OR1L8: variants seen among roughly 807,000 people sequenced by gnomAD.
OR1L8 encodes the protein olfactory receptor 1L8.
For missense variants in OR1L8, 330 were observed against 377.4 expected (o/e 0.87, Z 1.04); for synonymous variants, 148 against 147.0 (o/e 1.01, Z -0.05).
downstream of OR1L8, among the ~76,000 whole-genome samples, chr9:122,565,721 C>T (rs1437114395): frequency 6.6e-6 from 1 of 152,216 alleles, no homozygotes; most frequent in Non-Finnish European, 1.5e-5. Flanking sequence ...CTTCTCCCCA[C>T]CTTCACCTTC....
the OR1L8 span, chr9:122,554,115 G>A: frequency 1.9e-6 from 3 of 1,613,458 alleles, no homozygotes; most frequent in Admixed American, 1.7e-5. Flanking sequence ...AGACATGAAG[G>A]AGGCTTTGGG....
At chr9:122,562,757 G>T (rs1829373196), downstream of OR1L8, among the ~76,000 whole-genome samples, 1 of 152,166 alleles carries the variant, frequency 6.6e-6, no homozygotes, top group Non-Finnish European at 1.5e-5. Flanking sequence ...AAATAAGTGA[G>T]AATATGGGTA....
the OR1L8 span, chr9:122,553,427 T>C: frequency 6.2e-6 from 10 of 1,614,196 alleles, no homozygotes; most frequent in Non-Finnish European, 8.5e-6. Context: ...TGTCATTAAC[T>C]GATGCCTGTT....
intron 4 of OR1L8, among the ~76,000 whole-genome samples, chr9:122,570,831 T>C (rs1829534891): frequency 6.6e-6 from 1 of 152,202 alleles, no homozygotes; most frequent in Admixed American, 6.5e-5. Context: ...AAATATTTAT[T>C]GAAAATGTAT....
chr9:122,570,739 T>C (rs561704506), intron 4 of OR1L8, among the ~76,000 whole-genome samples: 21 of 152,340 alleles, frequency 1.4e-4, no homozygotes, highest in African/African-American at 4.1e-4. Context: ...CTCAGATTAA[T>C]TTTATAATAT....
chr9:122,563,306 A>G (rs888774086), downstream of OR1L8, among the ~76,000 whole-genome samples: 10 of 152,120 alleles, frequency 6.6e-5, 1 homozygote, highest in Admixed American at 5.9e-4. Context: ...ATAGTTAACA[A>G]TAATTTATTG....
rs764071675 is a variant in OR1L8, at chr9:122,567,849, G to C, written c.629C>G (p.Thr210Ser). The C allele has an allele frequency of 2.5e-6, 4 of 1,613,864 alleles. No homozygotes were observed. The Admixed American group carries it at 6.7e-5, about 27-fold the overall frequency. ...QMTEAPIVLV[T>S]RFLCIAFSYI... ...AGAGAAAGCAATGCAGAGAAAACGA[G>C]TCACCAAAACAATAGGTGCTTCTGT... The change falls in exon 5 of 5, where the codon ACT (threonine) becomes AGT (serine). Residue 210 changes from threonine (T) to serine (S), a missense_variant. Coordinates refer to ENST00000641027, the MANE Select transcript of OR1L8 (RefSeq NM_001004454.2).
At chr9:122,563,136 A>G (rs1186280273), downstream of OR1L8, among the ~76,000 whole-genome samples, 1 of 151,658 alleles carries the variant, frequency 6.6e-6, no homozygotes, top group Non-Finnish European at 1.5e-5. Flanking sequence ...ATTCTCACCA[A>G]CAGTGTATAA....
chr9:122,582,533 T>C (rs1333371273), intron 1 of OR1L8, among the ~76,000 whole-genome samples: 3 of 151,292 alleles, frequency 2.0e-5, no homozygotes, highest in African/African-American at 7.3e-5. Flanking sequence ...ATGGGCAACA[T>C]AGCAAGATCT....
At chr9:122,570,427 T>C (rs1829524107) in intron 4 of OR1L8, among the ~76,000 whole-genome samples, 1 of 152,256 alleles carries the variant, frequency 6.6e-6, no homozygotes, top group African/African-American at 2.4e-5. Flanking sequence ...TTTTTAAATG[T>C]TGGCTATTTA....
At chr9:122,549,227 A>T in the OR1L8 span, among the ~76,000 whole-genome samples, 2 of 152,052 alleles carry the variant, frequency 1.3e-5, no homozygotes, top group African/African-American at 4.8e-5. Flanking sequence ...TTAAGACAGC[A>T]TGGCATCCCT....
At chr9:122,552,155 C>T in the OR1L8 span, among the ~76,000 whole-genome samples, 1 of 149,658 alleles carries the variant, frequency 6.7e-6, no homozygotes, top group Non-Finnish European at 1.5e-5. Context: ...TGGGAAAGTG[C>T]TGAGTCTCTG....
Position 122,570,451 on chromosome 9 carries a change from TA to T in OR1L8, c.-212-1763del, listed in dbSNP as rs200724163. Among the ~76,000 whole-genome samples, 891 of 152,364 alleles carry T rather than the reference TA, an allele frequency of 5.8e-3. 7 individuals carry two copies. Among genetic ancestry groups the T allele is most frequent in the African/African-American group, 0.021 (871 of 41,584 alleles). On this transcript the variant is annotated intron_variant, in intron 4 of 4. Coordinates refer to ENST00000641027, the MANE Select transcript of OR1L8 (RefSeq NM_001004454.2). Reference sequence around the variant, plus strand: ...GTTGGCTATTTATATATTGATGTACTAAAAAATTAAATGCTTACATTTTTCT... The same window carrying T: ...GTTGGCTATTTATATATTGATGTACTAAAAATTAAATGCTTACATTTTTCT...
the OR1L8 span, among the ~76,000 whole-genome samples, chr9:122,549,900 G>T: frequency 6.6e-6 from 1 of 151,962 alleles, no homozygotes; most frequent in Non-Finnish European, 1.5e-5. Flanking sequence ...ATGAAAAATG[G>T]TGTTGGTATT....
At chr9:122,557,140 T>G in the OR1L8 span, among the ~76,000 whole-genome samples, 1 of 152,162 alleles carries the variant, frequency 6.6e-6, no homozygotes, top group African/African-American at 2.4e-5. Flanking sequence ...TTTGGATATT[T>G]TGGATTTTCT....
At chr9:122,551,337 G>A in the OR1L8 span, among the ~76,000 whole-genome samples, 1 of 152,134 alleles carries the variant, frequency 6.6e-6, no homozygotes, top group Admixed American at 6.5e-5. Context: ...GATATAAGTA[G>A]CTTTTTTTGA....
At chr9:122,571,097 C>G (rs1223952004) in intron 4 of OR1L8, among the ~76,000 whole-genome samples, 1 of 152,164 alleles carries the variant, frequency 6.6e-6, no homozygotes, top group Non-Finnish European at 1.5e-5. Context: ...CAGAATTACC[C>G]TCTTGCCACA....
chr9:122,559,127 A>G, the OR1L8 span, among the ~76,000 whole-genome samples: 67 of 152,168 alleles, frequency 4.4e-4, no homozygotes, highest in African/African-American at 1.4e-3. Context: ...ATGCTTTTGT[A>G]CAATAGAACA....
downstream of OR1L8, among the ~76,000 whole-genome samples, chr9:122,564,036 G>A (rs1275307611): frequency 1.3e-5 from 2 of 152,164 alleles, no homozygotes; most frequent in African/African-American, 2.4e-5. Flanking sequence ...GTCAGGTAGT[G>A]TGATGCCTCC....
Sources: allele counts gnomAD v4.1 joint callset (sites outside exome capture counted in the v4.1 genomes callset), GRCh38; gene constraint gnomAD v4.1.1; transcripts MANE v1.5; gene names NCBI Gene and HGNC (gene_info 2026-07-23, HGNC 2026-07-21).